The following CNNM2 variants were observed in gnomAD, a reference collection of about 807,000 sequenced individuals.
CNNM2 encodes metal transporter CNNM2.
Under a neutral mutation model 66.9 loss-of-function variants are expected in CNNM2, and 12 were observed. The ratio of observed to expected loss-of-function variants is 0.18; its 90% CI spans 0.11 to 0.29. The LOEUF (loss-of-function observed/expected upper bound fraction) is 0.29, where lower values mean the gene tolerates loss of function less well. Among genes scored for constraint, CNNM2 ranks in the 10% least tolerant of loss-of-function variants. CNNM2 has a pLI of 1.00. For missense variants in CNNM2, 705 were observed against 1,167.7 expected (o/e 0.60, Z 5.77); for synonymous variants, 557 against 501.8 (o/e 1.11, Z -1.47).
Position 103,068,683 on chromosome 10 carries a change from T to C in CNNM2, c.2128T>C (p.Phe710Leu). 6.2e-7 allele frequency: 1 copy of C among 1,613,318 alleles called. No homozygotes were observed. The highest frequency in any genetic ancestry group is 8.5e-7 in the Non-Finnish European group (1 of 1,179,694). ...KEGMKFEASA[F>L]SYYGVMALTA... is the part of the protein sequence containing the mutation. ...AGGTATGAAGTTTGAAGCGAGCGCC[T>C]TCTCATACTATGGCGTGATGGCCCT... is the stretch of plus-strand genomic sequence containing the variant. The change falls in exon 5 of 8, where the codon TTC (phenylalanine) becomes CTC (leucine). Residue 710 changes from phenylalanine to leucine, a missense_variant. Coordinates refer to ENST00000369878, the MANE Select transcript of CNNM2 (RefSeq NM_017649.5).
At position 102,918,877 on chromosome 10, in the gene CNNM2, C is replaced by T. The variant is rs1444186014; in HGVS notation, c.397C>T (p.Arg133Cys). 6.2e-7 allele frequency: 1 copy of T among 1,607,894 alleles called. No individual in the cohort carries two copies. The highest frequency in any genetic ancestry group is 1.7e-5 in the Admixed American group (1 of 59,710). ...HERRRHSPGE[R>C]GLGGPAPPEP... ...GCGGCGGCGCCACAGCCCGGGGGAG[C>T]GCGGGCTGGGGGGCCCCGCGCCGCC... is the stretch of plus-strand genomic sequence containing the variant. Residue 133 changes from arginine to cysteine, a missense_variant, in exon 1 of 8, where the codon CGC becomes TGC. Coordinates refer to ENST00000369878, the MANE Select transcript of CNNM2 (RefSeq NM_017649.5). The surrounding 1 kb of genome is among the most constrained non-coding windows in gnomAD (Gnocchi z 4.1).
At chr10:103,014,253 G>A (rs960590503) in intron 1 of CNNM2, among the ~76,000 whole-genome samples, 40 of 152,162 alleles carry the variant, frequency 2.6e-4, no homozygotes, top group African/African-American at 9.4e-4. Context: ...CGTTGTCCTT[G>A]CCCTCAAAGT....
chr10:102,966,237 G>T (rs2063462323), intron 1 of CNNM2, among the ~76,000 whole-genome samples: 1 of 152,166 alleles, frequency 6.6e-6, no homozygotes, highest in Non-Finnish European at 1.5e-5. Context: ...AAATTGGAAG[G>T]GATTTAGATA....
At chr10:102,969,676 T>C (rs995678798) in intron 1 of CNNM2, among the ~76,000 whole-genome samples, 5 of 151,928 alleles carry the variant, frequency 3.3e-5, no homozygotes, top group Non-Finnish European at 5.9e-5. Context: ...GGAGTTTTGC[T>C]CTTTGTTGCC....
intron 1 of CNNM2, among the ~76,000 whole-genome samples, chr10:102,942,857 A>G (rs1192454583): frequency 6.6e-6 from 1 of 152,224 alleles, no homozygotes; most frequent in Non-Finnish European, 1.5e-5. Context: ...AGTTTTTAAT[A>G]ACATGGGGGA....
At position 103,004,391 on chromosome 10, in the gene CNNM2, A is replaced by G. The variant is rs77426338; in HGVS notation, c.1622-45316A>G. Among the ~76,000 whole-genome samples, 2,840 of 152,294 alleles carry G rather than the reference A, an allele frequency of 0.019. 67 individuals are homozygous for G. Among genetic ancestry groups the G allele is most frequent in the South Asian group, 0.12 (578 of 4,832 alleles). On this transcript the variant is annotated intron_variant, in intron 1 of 7. Coordinates refer to ENST00000369878, the MANE Select transcript of CNNM2 (RefSeq NM_017649.5). ...TTTAGCTATTATGAATAGTGTTGCT[A>G]TGAATATTCTCGAACATGTCTTTTG...
rs1157838748 is a variant in CNNM2 at position 102,976,790 on chromosome 10, T to C, written c.1621+56689T>C. Among the ~76,000 whole-genome samples the C allele has an allele frequency of 5.3e-5, 8 of 151,884 alleles. No individual in the cohort carries two copies. In the East Asian group the frequency reaches 1.5e-3, roughly 29 times the overall value. ...CCCTGTCCACTACTTTCTAATTGGTTGTTTTCAAACTCTCTGAGCTTCAGG... is the reference window on the plus strand; with the variant it reads ...CCCTGTCCACTACTTTCTAATTGGTCGTTTTCAAACTCTCTGAGCTTCAGG... On this transcript the variant is annotated intron_variant, in intron 1 of 7. Coordinates refer to ENST00000369878, the MANE Select transcript of CNNM2 (RefSeq NM_017649.5).
At chr10:103,014,201 G>A (rs1037996028) in intron 1 of CNNM2, among the ~76,000 whole-genome samples, 1 of 152,180 alleles carries the variant, frequency 6.6e-6, no homozygotes, top group Admixed American at 6.5e-5. Flanking sequence ...TGCCTATTGG[G>A]TACCAGGCAG....
intron 1 of CNNM2, 35 bp from the exon 2 acceptor site, chr10:103,049,671 GA>G (rs752121344): frequency 3.1e-6 from 5 of 1,593,212 alleles, no homozygotes; most frequent in Non-Finnish European, 4.3e-6. Context: ...AGAAAATTCA[GA>G]AAGTCACTTC....
intron 1 of CNNM2, among the ~76,000 whole-genome samples, chr10:103,003,379 A>C (rs1009346475): frequency 2.0e-5 from 3 of 152,080 alleles, no homozygotes; most frequent in Non-Finnish European, 2.9e-5. Context: ...TTCCCAAAGT[A>C]CTGGGATTAC....
intron 1 of CNNM2, among the ~76,000 whole-genome samples, chr10:103,012,412 G>A (rs1353777678): frequency 2.0e-5 from 3 of 152,182 alleles, no homozygotes; most frequent in Non-Finnish European, 4.4e-5. Flanking sequence ...TTGGGAGGCC[G>A]AGGCCGGCAG....
chr10:103,017,976 A>AAAAAAAAAAAAAAAAAG, intron 1 of CNNM2, among the ~76,000 whole-genome samples: 1 of 151,162 alleles, frequency 6.6e-6, no homozygotes, highest in Non-Finnish European at 1.5e-5. Flanking sequence ...AAAAAAAAAA[A>AAAAAAAAAAAAAAAAAG]AAAAAGGCAA....
chr10:102,961,379 T>C (rs2063377508), intron 1 of CNNM2, among the ~76,000 whole-genome samples: 1 of 152,194 alleles, frequency 6.6e-6, no homozygotes, highest in Non-Finnish European at 1.5e-5. Flanking sequence ...ATTTATGAGA[T>C]GAAGCTGAGA....
chr10:102,932,822 C>T (rs757757185), intron 1 of CNNM2, among the ~76,000 whole-genome samples: 1 of 149,588 alleles, frequency 6.7e-6, no homozygotes, highest in Non-Finnish European at 1.5e-5. Context: ...GAGGCTGAGG[C>T]AGGAGAATCG....
intron 1 of CNNM2, among the ~76,000 whole-genome samples, chr10:102,969,984 G>GT (rs1208550083): frequency 6.6e-6 from 1 of 152,144 alleles, no homozygotes; most frequent in Admixed American, 6.5e-5. Flanking sequence ...AAGAATTTTT[G>GT]TATGTGAAGA....
rs1564877588 is a variant in CNNM2, at chr10:103,084,699, G to A, written c.*7519G>A. On this transcript the variant is annotated 3_prime_UTR_variant, in exon 8 of 8. Coordinates refer to ENST00000369878, the MANE Select transcript of CNNM2 (RefSeq NM_017649.5). ...TGCGCACACATCCGCTCATTTCTAA[G>A]CTTTATCGTGATGCACCCGGGGTTT... The A allele has an allele frequency of 6.6e-6, 1 of 152,096 alleles. No individual in the cohort carries two copies. The highest frequency in any genetic ancestry group is 1.5e-5 in the Non-Finnish European group (1 of 68,018). 9.4% of individuals were successfully genotyped at this position (152,096 alleles called of 1,614,324 possible). A position where few individuals can be genotyped will look rare whatever the true frequency, so the allele number is the denominator to read the frequency against.
chr10:103,079,163 C>CT lies in CNNM2; in HGVS notation c.*1984dup, dbSNP rs977284441. On this transcript the variant is annotated 3_prime_UTR_variant, in exon 8 of 8. Transcript: ENST00000369878. ...CATCCTTTTTTTTAAACAGAGCCAT[C>CT]TAGATACAAAAGTCAGTTTCTTAAG... 2 of 152,170 alleles carry CT rather than the reference C, an allele frequency of 1.3e-5. No homozygotes were observed. The highest frequency in any genetic ancestry group is 2.9e-5 in the Non-Finnish European group (2 of 68,040). 9.4% of individuals were successfully genotyped at this position (152,170 alleles called of 1,614,324 possible).
Position 102,918,545 on chromosome 10 carries a change from T to C in CNNM2, c.65T>C (p.Leu22Pro), listed in dbSNP as rs1246899105. 6 of 1,600,334 alleles carry C rather than the reference T, an allele frequency of 3.7e-6. No homozygotes were observed. The highest frequency in any genetic ancestry group is 5.1e-6 in the Non-Finnish European group (6 of 1,175,986). ...GCGGGCGGGCAGGCAGCCGCCGCAC[T>C]GCCCACTTGGAAGATGGCGGCGCGC... ...KMAGGQAAAA[L>P]PTWKMAARRS... The change falls in exon 1 of 8, where the codon CTG (leucine) becomes CCG (proline). Residue 22 changes from leucine to proline, a missense_variant. Around this residue, in one of 9 missense-constraint regions of CNNM2, gnomAD observed 98 missense variants for 73.6 expected, o/e 1.33. Transcript: ENST00000369878. The surrounding 1 kb of genome is among the most constrained non-coding windows in gnomAD (Gnocchi z 4.1).
intron 1 of CNNM2, among the ~76,000 whole-genome samples, chr10:103,004,355 G>C (rs1257601615): frequency 6.6e-6 from 1 of 152,076 alleles, no homozygotes; most frequent in East Asian, 1.9e-4. Flanking sequence ...CATTTAGGTA[G>C]TTTTCTTGTT....
Sources: gnomAD v4.1 joint callset for allele counts (sites outside exome capture counted in the v4.1 genomes callset) on GRCh38, gnomAD v4.1.1 for gene constraint, gnomAD v4.1.1 regional missense constraint, Gnocchi (gnomAD v3.1) non-coding constraint, MANE v1.5 for transcripts, NCBI Gene and HGNC (gene_info 2026-07-23, HGNC 2026-07-21) for gene names.